The following UBE2V2 variants were observed in gnomAD, a reference collection of about 807,000 sequenced individuals.
UBE2V2 encodes the protein ubiquitin-conjugating enzyme E2 variant 2.
A neutral mutation model predicts 17.2 loss-of-function variants in UBE2V2; 9 were observed. The observed-to-expected ratio is 0.52, with a 90% CI of 0.32 to 0.91. UBE2V2 has a LOEUF of 0.91. Ranked by LOEUF, UBE2V2 falls within the 40% of genes least tolerant of loss-of-function variation. UBE2V2 has a pLI of 0.04. For synonymous variants in UBE2V2, 61 were observed against 57.5 expected (o/e 1.06, Z -0.28); for missense variants, 133 against 182.6 (o/e 0.73, Z 1.56).
chr8:48,017,497 C>G (rs546952034), intron 1 of UBE2V2, among the ~76,000 whole-genome samples: 3 of 151,808 alleles, frequency 2.0e-5, no homozygotes, highest in Non-Finnish European at 4.4e-5. Flanking sequence ...CTTCAGCCTC[C>G]TAAGTAGCTG....
intron 2 of UBE2V2, among the ~76,000 whole-genome samples, chr8:48,045,639 G>A (rs1310785584): frequency 6.6e-6 from 1 of 152,144 alleles, no homozygotes; most frequent in African/African-American, 2.4e-5. Context: ...GGGATAGTAT[G>A]TCCTGAACCT....
chr8:48,002,070 C>T, the UBE2V2 span, among the ~76,000 whole-genome samples: 4 of 150,554 alleles, frequency 2.7e-5, no homozygotes, highest in East Asian at 1.9e-4. Context: ...GCCTGGGAAA[C>T]GAGTGAAACT....
At chr8:48,035,372 T>A (rs2091415369) in intron 1 of UBE2V2, among the ~76,000 whole-genome samples, 1 of 151,842 alleles carries the variant, frequency 6.6e-6, no homozygotes, top group Admixed American at 6.6e-5. Context: ...ATACCCACCT[T>A]GGCCTCCCAA....
chr8:48,005,066 A>T (rs1186969939), upstream of UBE2V2, among the ~76,000 whole-genome samples: 3 of 150,430 alleles, frequency 2.0e-5, 1 homozygote, highest in Non-Finnish European at 4.4e-5. Flanking sequence ...CAGGGGCAGA[A>T]CATGCAGGTT....
intron 1 of UBE2V2, among the ~76,000 whole-genome samples, chr8:48,026,865 G>A (rs1239444866): frequency 1.3e-5 from 2 of 152,178 alleles, no homozygotes; most frequent in African/African-American, 4.8e-5. Context: ...TAAGGCTGCT[G>A]TAAACATTTA....
intron 1 of UBE2V2, among the ~76,000 whole-genome samples, chr8:48,027,963 C>G (rs557044473): frequency 6.6e-6 from 1 of 152,024 alleles, no homozygotes; most frequent in African/African-American, 2.4e-5. Context: ...AAGCGATTCT[C>G]CTGCCTCAAC....
intron 1 of UBE2V2, among the ~76,000 whole-genome samples, chr8:48,024,775 T>C (rs2091328891): frequency 6.6e-6 from 1 of 152,114 alleles, no homozygotes; most frequent in Admixed American, 6.6e-5. Flanking sequence ...TAAAACTCCA[T>C]GTTCTTTTAA....
intron 1 of UBE2V2, among the ~76,000 whole-genome samples, chr8:48,025,613 T>C (rs1485657987): frequency 6.6e-6 from 1 of 150,386 alleles, no homozygotes. Flanking sequence ...CTTTCTTTTT[T>C]TTTTGAGATG....
intron 1 of UBE2V2, among the ~76,000 whole-genome samples, chr8:48,025,714 C>T (rs2091339621): frequency 6.6e-6 from 1 of 151,946 alleles, no homozygotes; most frequent in South Asian, 2.1e-4. Flanking sequence ...ATTCTCTTGC[C>T]TCAGCCTTCC....
intron 2 of UBE2V2, among the ~76,000 whole-genome samples, chr8:48,046,224 A>G (rs1450996676): frequency 4.0e-5 from 6 of 151,590 alleles, no homozygotes; most frequent in Non-Finnish European, 8.8e-5. Flanking sequence ...CGTTCATACC[A>G]TTCTCCTGCC....
intron 2 of UBE2V2, among the ~76,000 whole-genome samples, chr8:48,046,532 G>A (rs1485978598): frequency 1.3e-5 from 2 of 152,224 alleles, no homozygotes; most frequent in Non-Finnish European, 2.9e-5. Context: ...AGGATTACAG[G>A]CGTGAGCCGC....
intron 3 of UBE2V2, among the ~76,000 whole-genome samples, chr8:48,051,753 C>T (rs921834081): frequency 1.3e-5 from 2 of 152,134 alleles, no homozygotes; most frequent in Non-Finnish European, 1.5e-5. Flanking sequence ...AGGTCTGAGG[C>T]GGGGCCCCAG....
intron 1 of UBE2V2, among the ~76,000 whole-genome samples, chr8:48,013,876 T>G (rs924867068): frequency 6.6e-6 from 1 of 152,248 alleles, no homozygotes; most frequent in Non-Finnish European, 1.5e-5. Context: ...GACAGACTAC[T>G]GTGCCACCAT....
chr8:48,045,174 G>T (rs1373148366), intron 2 of UBE2V2, among the ~76,000 whole-genome samples: 5 of 152,188 alleles, frequency 3.3e-5, no homozygotes, highest in African/African-American at 1.2e-4. Flanking sequence ...GGAGAGAAAA[G>T]GTCATAATAG....
intron 1 of UBE2V2, among the ~76,000 whole-genome samples, chr8:48,035,413 G>A (rs1168095321): frequency 6.6e-6 from 1 of 151,630 alleles, no homozygotes; most frequent in Non-Finnish European, 1.5e-5. Context: ...GAGCCACCGC[G>A]CCCTGCCACT....
In UBE2V2 at chr8:48,027,589, T is replaced by G. The variant is rs573291332; in HGVS notation, c.17-15444T>G. Among the ~76,000 whole-genome samples, 20 of 152,330 alleles carry G rather than the reference T, an allele frequency of 1.3e-4. No individual in the cohort carries two copies. In the South Asian group the frequency reaches 3.7e-3, roughly 28 times the overall value. On this transcript the variant is annotated intron_variant, in intron 1 of 3. Coordinates refer to ENST00000523111, the MANE Select transcript of UBE2V2 (RefSeq NM_003350.3). ...GTCTTGGCTTACTGCAGTCTCCACC[T>G]CCTATACCCAAGTGATTCTCCTGCC...
intron 1 of UBE2V2, among the ~76,000 whole-genome samples, chr8:48,021,743 A>G (rs1249226802): frequency 1.3e-5 from 2 of 150,062 alleles, no homozygotes; most frequent in Non-Finnish European, 3.0e-5. Context: ...GCTGGAGTGC[A>G]GTGGTGTGAT....
At chr8:48,041,499 C>G (rs2091464378) in intron 1 of UBE2V2, among the ~76,000 whole-genome samples, 2 of 152,012 alleles carry the variant, frequency 1.3e-5, no homozygotes. Flanking sequence ...AAATGTCTTT[C>G]CTAACTTACT....
the UBE2V2 span, among the ~76,000 whole-genome samples, chr8:47,999,983 T>C: frequency 1.3e-5 from 2 of 152,240 alleles, 1 homozygote; most frequent in Admixed American, 1.3e-4. Context: ...TTCACAATGC[T>C]TTTCCATACA....
Sources: allele counts gnomAD v4.1 joint callset (sites outside exome capture counted in the v4.1 genomes callset), GRCh38; gene constraint gnomAD v4.1.1; transcripts MANE v1.5; gene names NCBI Gene and HGNC (gene_info 2026-07-23, HGNC 2026-07-21).